CEP170: variants seen among roughly 807,000 people sequenced by gnomAD.
The protein encoded by CEP170 is centrosomal protein 170, also known as centrosomal protein of 170 kDa.
CEP170 carries 21 observed loss-of-function variants against 151.9 expected under a neutral mutation model. The ratio of observed to expected loss-of-function variants is 0.14; its 90% CI spans 0.10 to 0.20. The LOEUF (loss-of-function observed/expected upper bound fraction) is 0.20, where lower values mean the gene tolerates loss of function less well. CEP170 is among the 10% of genes least tolerant of loss of function. The pLI, the probability that CEP170 is intolerant of heterozygous loss-of-function variation, is 1.00. For missense variants in CEP170, 964 were observed against 1,892.9 expected (o/e 0.51, Z 9.11); for synonymous variants, 356 against 648.8 (o/e 0.55, Z 6.86).
At chr1:243,216,894 T>A (rs556605206) in intron 3 of CEP170, among the ~76,000 whole-genome samples, 1 of 152,342 alleles carries the variant, frequency 6.6e-6, no homozygotes, top group South Asian at 2.1e-4. Flanking sequence ...ACTTATGTCT[T>A]GAGTTTACTA....
In CEP170 at chr1:243,156,202, A is replaced by AT. The variant is rs781553978; in HGVS notation, c.3911+18dup. 8.9e-6 allele frequency: 14 copies of AT among 1,565,474 alleles called. No homozygotes were observed. Among genetic ancestry groups the AT allele is most frequent in the African/African-American group, 1.4e-5 (1 of 73,236 alleles). On this transcript the variant is annotated intron_variant, in intron 14 of 19. Transcript: ENST00000366542. The stretch of plus-strand genomic sequence containing the variant: ...TCATAGAAATTTTGAATTCTTAAAG[A>AT]TAAGTCCTGAAAACCAACCTGGCTA...
At chr1:243,174,690 T>C (rs1489411447) in intron 10 of CEP170, among the ~76,000 whole-genome samples, 5 of 152,230 alleles carry the variant, frequency 3.3e-5, no homozygotes, top group African/African-American at 9.6e-5. Context: ...TTATGTATTG[T>C]TTATTTTAAA....
At chr1:243,233,692 C>T (rs2063976827) in intron 1 of CEP170, among the ~76,000 whole-genome samples, 1 of 144,402 alleles carries the variant, frequency 6.9e-6, no homozygotes. Context: ...AAGATCACGC[C>T]ACTGTACTCC....
In CEP170 at chr1:243,203,944, C is replaced by CA. The variant is rs1411995572; in HGVS notation, c.275-3110dup. Among the ~76,000 whole-genome samples, 6 of 151,826 alleles carry CA rather than the reference C, an allele frequency of 4.0e-5. No homozygotes were observed. In the South Asian group the frequency reaches 8.3e-4, roughly 21 times the overall value. ...ATCTGCTTAATTTTGCCTATACCTTCAAAAAAAGGTATCATTTTATTTTAG... is the reference window on the plus strand; with the variant it reads ...ATCTGCTTAATTTTGCCTATACCTTCAAAAAAAAGGTATCATTTTATTTTAG... On this transcript the variant is annotated intron_variant, in intron 4 of 19. Coordinates refer to ENST00000366542, the MANE Select transcript of CEP170 (RefSeq NM_014812.3).
chr1:243,145,025 A>C (rs2056301446), intron 14 of CEP170, among the ~76,000 whole-genome samples: 1 of 152,132 alleles, frequency 6.6e-6, no homozygotes, highest in Non-Finnish European at 1.5e-5. Flanking sequence ...TTTCCTATGT[A>C]AATTATCTCA....
At chr1:243,160,075 C>T (rs73116147) in intron 13 of CEP170, among the ~76,000 whole-genome samples, 3,104 of 152,136 alleles carry the variant, frequency 0.02, 110 homozygotes, top group African/African-American at 0.07. Context: ...AGTCATGAGA[C>T]GCTGTGCCCA....
In CEP170 at chr1:243,126,531, G is replaced by A. The variant is rs2053712878; in HGVS notation, c.4673C>T (p.Ala1558Val). ...AVSAAAEFEN[A>V]ESEADFSIHF... ...TATACTGAAATCAGCCTCAGATTCA[G>A]CATTCTCAAATTCAGCTGCGGCTGA... is the stretch of plus-strand genomic sequence containing the variant. Residue 1558 changes from alanine to valine, a missense_variant, in exon 20 of 20, where the codon GCT (alanine) becomes GTT (valine). By Grantham distance (64) the Ala-to-Val change is moderately conservative. Coordinates refer to ENST00000366542, the MANE Select transcript of CEP170 (RefSeq NM_014812.3). 1.2e-6 allele frequency: 2 copies of A among 1,601,708 alleles called. No individual in the cohort carries two copies. The highest frequency in any genetic ancestry group is 1.7e-6 in the Non-Finnish European group (2 of 1,173,366).
At chr1:243,147,638 C>A (rs1311325832) in intron 14 of CEP170, among the ~76,000 whole-genome samples, 1 of 152,110 alleles carries the variant, frequency 6.6e-6, no homozygotes, top group Non-Finnish European at 1.5e-5. Flanking sequence ...TATATGGATC[C>A]TTGAAATGTT....
At position 243,255,134 on chromosome 1, in the gene CEP170, T is replaced by TCGTCGTCGCCGCTGTTGTCGTCGC. The variant is rs2066515230; in HGVS notation, c.-160_-137dup. ...CCGTCCTCCCCCCACCTCGTCGTCGTCGTCGTCGCCGCTGTTGTCGTCGCT... is the reference window on the plus strand; with the variant it reads ...CCGTCCTCCCCCCACCTCGTCGTCGTCGTCGTCGCCGCTGTTGTCGTCGCCGTCGTCGCCGCTGTTGTCGTCGCT... On this transcript the variant is annotated 5_prime_UTR_variant, in exon 1 of 20. Coordinates refer to ENST00000366542, the MANE Select transcript of CEP170 (RefSeq NM_014812.3). The TCGTCGTCGCCGCTGTTGTCGTCGC allele has an allele frequency of 1.3e-5, 2 of 153,214 alleles. No homozygotes were observed. Among genetic ancestry groups the TCGTCGTCGCCGCTGTTGTCGTCGC allele is most frequent in the African/African-American group, 4.8e-5 (2 of 41,434 alleles). The allele number at this position is 153,214 out of a possible 1,614,324, so 9.5% of individuals were successfully genotyped here.
intron 1 of CEP170, among the ~76,000 whole-genome samples, chr1:243,243,486 C>T (rs2065057603): frequency 6.7e-6 from 1 of 149,562 alleles, no homozygotes; most frequent in Admixed American, 6.6e-5. Context: ...CAAAATTCAA[C>T]TTACCATTCT....
intron 3 of CEP170, among the ~76,000 whole-genome samples, chr1:243,220,647 T>C (rs190074326): frequency 1.2e-4 from 18 of 152,330 alleles, no homozygotes; most frequent in Non-Finnish European, 5.9e-5. Flanking sequence ...TCTGAAGCAG[T>C]TGGGATGCAC....
At chr1:243,245,904 C>T (rs960947589) in intron 1 of CEP170, among the ~76,000 whole-genome samples, 2 of 151,748 alleles carry the variant, frequency 1.3e-5, no homozygotes, top group African/African-American at 2.4e-5. Context: ...CATGAACACA[C>T]CACTCCACTC....
intron 13 of CEP170, among the ~76,000 whole-genome samples, chr1:243,158,001 TTAAATA>T (rs1428116004): frequency 6.6e-6 from 1 of 152,178 alleles, no homozygotes; most frequent in Admixed American, 6.5e-5. Flanking sequence ...TTTGAGGAGC[TTAAATA>T]TAATTTCTGA....
chr1:243,225,417 C>A, intron 1 of CEP170, 96 bp from the exon 2 acceptor site: 1 of 509,628 alleles, frequency 2.0e-6, no homozygotes, highest in Non-Finnish European at 3.4e-6. Flanking sequence ...GAACTGCGTT[C>A]ATCAACATTT....
chr1:243,241,763 C>T lies in CEP170; in HGVS notation c.-42+13277G>A, dbSNP rs1225765815. Among the ~76,000 whole-genome samples, 11 of 151,172 alleles carry T rather than the reference C, an allele frequency of 7.3e-5. No individual in the cohort carries two copies. In the East Asian group the frequency reaches 2.1e-3, roughly 29 times the overall value. ...CGAGATCTCACCACTGCACTCCAGC[C>T]TGGACAACATAGTGAGACTCCCTCT... On this transcript the variant is annotated intron_variant, in intron 1 of 19. Transcript: ENST00000366542.
chr1:243,172,510 T>C (rs1212435912), intron 11 of CEP170, among the ~76,000 whole-genome samples, 187 bp downstream of exon 11: 5 of 152,160 alleles, frequency 3.3e-5, no homozygotes. Flanking sequence ...TGCACGCCTG[T>C]AATCACAGCT....
At chr1:243,216,204 A>G (rs999712870) in intron 3 of CEP170, among the ~76,000 whole-genome samples, 3 of 152,120 alleles carry the variant, frequency 2.0e-5, no homozygotes, top group African/African-American at 7.2e-5. Context: ...CCTTTTTTAA[A>G]TTTTATTATT....
chr1:243,244,093 A>G (rs1208365909), intron 1 of CEP170, among the ~76,000 whole-genome samples: 1 of 152,228 alleles, frequency 6.6e-6, no homozygotes, highest in Non-Finnish European at 1.5e-5. Context: ...ATTTAAGAAC[A>G]CTTTAGTTAA....
intron 1 of CEP170, among the ~76,000 whole-genome samples, chr1:243,246,507 C>G (rs2065414788): frequency 6.6e-6 from 1 of 152,150 alleles, no homozygotes; most frequent in Admixed American, 6.5e-5. Flanking sequence ...GCTGGGATTA[C>G]AGGCATGAGC....
Sources: allele counts gnomAD v4.1 joint callset (sites outside exome capture counted in the v4.1 genomes callset), GRCh38; gene constraint gnomAD v4.1.1; transcripts MANE v1.5; gene names NCBI Gene and HGNC (gene_info 2026-07-23, HGNC 2026-07-21).